Variants in SLC5A10 observed in about 807,000 individuals in gnomAD.
SLC5A10 encodes the protein sodium/mannose cotransporter SLC5A10.
SLC5A10 carries 55 observed loss-of-function variants against 68.9 expected under a neutral mutation model. That is an observed-to-expected ratio of 0.80 (90% confidence interval 0.64 to 1.00). The LOEUF is 1.00. SLC5A10 is among the 50% of genes least tolerant of loss of function. SLC5A10 has a pLI of 0.00. For missense variants in SLC5A10, 732 were observed against 819.3 expected (o/e 0.89, Z 1.30); for synonymous variants, 344 against 344.8 (o/e 1.00, Z 0.02).
chr17:18,961,913 G>A (rs749120268), intron 5 of SLC5A10, among the ~76,000 whole-genome samples: 3 of 152,214 alleles, frequency 2.0e-5, no homozygotes, highest in Non-Finnish European at 4.4e-5. Flanking sequence ...CTCAGGAGTG[G>A]CCAGCAGCAA....
intron 9 of SLC5A10, among the ~76,000 whole-genome samples, chr17:18,980,446 C>T (rs1348646511): frequency 6.6e-6 from 1 of 152,172 alleles, no homozygotes; most frequent in Non-Finnish European, 1.5e-5. Flanking sequence ...GCATGAGGAG[C>T]ACAGCGGGCC....
At chr17:18,981,683 G>A (rs2043136706) in intron 9 of SLC5A10, among the ~76,000 whole-genome samples, 1 of 152,184 alleles carries the variant, frequency 6.6e-6, no homozygotes, top group East Asian at 1.9e-4. Flanking sequence ...CCCATCTGAT[G>A]CCCACCTGTG....
At chr17:19,019,654 T>TG in intron 12 of SLC5A10, 59 bp from the exon 13 acceptor site, 2 of 1,602,678 alleles carry the variant, frequency 1.2e-6, no homozygotes, top group East Asian at 2.2e-5. Flanking sequence ...CTGCTGCCTG[T>TG]GGGGGGAGCC....
At chr17:18,959,438 C>A (rs2042569534) in intron 3 of SLC5A10, among the ~76,000 whole-genome samples, 166 bp from the exon 4 acceptor site, 1 of 152,222 alleles carries the variant, frequency 6.6e-6, no homozygotes, top group Non-Finnish European at 1.5e-5. Flanking sequence ...GTGGGCCTTG[C>A]CCAGACCTAG....
chr17:19,021,983 A>G lies in SLC5A10; in HGVS notation c.*1552A>G, dbSNP rs756757755. 1 of 1,577,486 alleles carries G rather than the reference A, an allele frequency of 6.3e-7. No individual in the cohort carries two copies. The highest frequency in any genetic ancestry group is 8.6e-7 in the Non-Finnish European group (1 of 1,163,274). ...CTCACAGGTGCACGGGCTGCACGTAACTCCGTGGGAAGAAGCCAACGCGCC... is the reference window on the plus strand; with the variant it reads ...CTCACAGGTGCACGGGCTGCACGTAGCTCCGTGGGAAGAAGCCAACGCGCC... On this transcript the variant is annotated 3_prime_UTR_variant, in exon 15 of 15. Transcript: ENST00000395645. This position sits in a 1 kb window ranked among gnomAD's most constrained non-coding sequence, Gnocchi z 4.1.
chr17:18,990,409 CCT>C, intron 9 of SLC5A10, among the ~76,000 whole-genome samples: 1 of 152,240 alleles, frequency 6.6e-6, no homozygotes, highest in Non-Finnish European at 1.5e-5. Flanking sequence ...CCCAGAATCT[CCT>C]TAGTTAAGCC....
At chr17:18,980,809 G>A (rs1017343031) in intron 9 of SLC5A10, among the ~76,000 whole-genome samples, 6 of 152,276 alleles carry the variant, frequency 3.9e-5, no homozygotes, top group Middle Eastern at 3.4e-3. Flanking sequence ...GCTCCTGGGT[G>A]CCCTGAGGGT....
rs751857921 is a variant in SLC5A10 at position 18,968,729 on chromosome 17, G to A, written c.454-323G>A. On this transcript the variant is annotated intron_variant, in intron 5 of 14. Transcript: ENST00000395645. This position sits in a 1 kb window ranked among gnomAD's most constrained non-coding sequence, Gnocchi z 4.1. Reference sequence around the variant, plus strand: ...TCATCAAGGTGCCCCTGGGAACCGAGGGGACAGGGCTCTGCCTTTTATCCC... The same window carrying A: ...TCATCAAGGTGCCCCTGGGAACCGAAGGGACAGGGCTCTGCCTTTTATCCC... 35 of 322,976 alleles carry A rather than the reference G, an allele frequency of 1.1e-4. No individual in the cohort carries two copies. The highest frequency in any genetic ancestry group is 1.5e-4 in the Non-Finnish European group (27 of 175,356). 20.0% of individuals were successfully genotyped at this position (322,976 alleles called of 1,614,324 possible). A position where few individuals can be genotyped will look rare whatever the true frequency, so the allele number is the denominator to read the frequency against.
intron 9 of SLC5A10, among the ~76,000 whole-genome samples, chr17:18,983,147 A>T (rs1216181981): frequency 6.6e-6 from 1 of 152,122 alleles, no homozygotes; most frequent in Non-Finnish European, 1.5e-5. Flanking sequence ...AGGGAAAGTG[A>T]CCTGCCCACT....
At chr17:18,964,045 T>C (rs2042663679) in intron 5 of SLC5A10, among the ~76,000 whole-genome samples, 1 of 152,178 alleles carries the variant, frequency 6.6e-6, no homozygotes, top group African/African-American at 2.4e-5. Flanking sequence ...CCTGGAACCT[T>C]CTGCCTGGAT....
At chr17:19,006,910 A>C (rs910179844) in intron 9 of SLC5A10, among the ~76,000 whole-genome samples, 4 of 152,214 alleles carry the variant, frequency 2.6e-5, no homozygotes, top group African/African-American at 7.2e-5. Context: ...TGGATATACC[A>C]CAGTTTGCTT....
At chr17:18,954,273 G>A (rs1488341889) in intron 1 of SLC5A10, 1 of 152,368 alleles carries the variant, frequency 6.6e-6, no homozygotes, top group African/African-American at 2.4e-5. Flanking sequence ...AGGGAAAGAG[G>A]AGGGGAGACA....
In SLC5A10 at chr17:19,015,044, C is replaced by T. The variant is rs370263948; in HGVS notation, c.1091-5C>T. The T allele has an allele frequency of 6.2e-7, 1 of 1,612,650 alleles. No homozygotes were observed. The highest frequency in any genetic ancestry group is 2.2e-5 in the East Asian group (1 of 44,870). On this transcript the variant is annotated splice_region_variant and splice_polypyrimidine_tract_variant and intron_variant, in intron 10 of 14. Coordinates refer to ENST00000395645, the MANE Select transcript of SLC5A10 (RefSeq NM_001042450.4). Reference sequence around the variant, plus strand: ...CAGGGTCACACATCCCCCGTCCCACCCCAGGTCTGCGGGGGCTGATGATCG... The same window carrying T: ...CAGGGTCACACATCCCCCGTCCCACTCCAGGTCTGCGGGGGCTGATGATCG...
chr17:19,013,110 G>A (rs1317847487), intron 9 of SLC5A10, among the ~76,000 whole-genome samples: 1 of 152,224 alleles, frequency 6.6e-6, no homozygotes, highest in East Asian at 1.9e-4. Flanking sequence ...GGAGGCTCAG[G>A]CCCCAGGTAG....
chr17:18,988,103 G>T, intron 9 of SLC5A10: 5 of 1,271,854 alleles, frequency 3.9e-6, no homozygotes, highest in Non-Finnish European at 5.3e-6. Flanking sequence ...CTATGTGACT[G>T]CTTGGCAGGA....
intron 9 of SLC5A10, chr17:18,977,520 C>T (rs1309155744): frequency 1.9e-5 from 28 of 1,490,356 alleles, no homozygotes; most frequent in African/African-American, 1.8e-4. Flanking sequence ...GACAACAGCT[C>T]GAGCTCTTGG....
rs925031909 is a variant in SLC5A10 at position 19,021,524 on chromosome 17, CT to C, written c.*1097del. The stretch of plus-strand genomic sequence containing the variant: ...CAACAGCCTGAACAACTCCAGGGGC[CT>C]TTTGAGGGAGGGGCAGGCAGGCCCA... On this transcript the variant is annotated 3_prime_UTR_variant, in exon 15 of 15. Transcript: ENST00000395645. This position sits in a 1 kb window ranked among gnomAD's most constrained non-coding sequence, Gnocchi z 4.1. 3.3e-6 allele frequency: 1 copy of C among 298,910 alleles called. No individual in the cohort carries two copies. Among genetic ancestry groups the C allele is most frequent in the Non-Finnish European group, 6.1e-6 (1 of 162,608 alleles). 18.5% of individuals were successfully genotyped at this position (298,910 alleles called of 1,614,324 possible).
In SLC5A10 at chr17:19,003,706, C is replaced by T. The variant is rs1222178349; in HGVS notation, c.983-9704C>T. ...GCCAGTACTCCAGGGAGGGCAGCGGCTCGGCCTCGATGGGGACCCCATCCG... is the reference window on the plus strand; with the variant it reads ...GCCAGTACTCCAGGGAGGGCAGCGGTTCGGCCTCGATGGGGACCCCATCCG... On this transcript the variant is annotated intron_variant, in intron 9 of 14. Transcript: ENST00000395645. This position sits in a 1 kb window ranked among gnomAD's most constrained non-coding sequence, Gnocchi z 4.5. The T allele has an allele frequency of 6.2e-7, 1 of 1,606,172 alleles. No homozygotes were observed. Among genetic ancestry groups the T allele is most frequent in the Non-Finnish European group, 8.5e-7 (1 of 1,176,218 alleles).
chr17:18,954,164 T>C (rs2042437654), intron 1 of SLC5A10: 1 of 152,298 alleles, frequency 6.6e-6, no homozygotes, highest in African/African-American at 2.4e-5. Context: ...CTGTGACAGT[T>C]GGTGGCTAGA....
Sources: allele counts gnomAD v4.1 joint callset (sites outside exome capture counted in the v4.1 genomes callset), GRCh38; gene constraint gnomAD v4.1.1; non-coding constraint Gnocchi (gnomAD v3.1); transcripts MANE v1.5; gene names NCBI Gene and HGNC (gene_info 2026-07-23, HGNC 2026-07-21).